Variants in RUFY4 observed in about 807,000 individuals in gnomAD.
RUFY4 encodes the protein RUN and FYVE domain-containing protein 4.
In RUFY4, 73 loss-of-function variants were observed where a neutral mutation model predicts 69.0. The ratio of observed to expected loss-of-function variants is 1.06; its 90% confidence interval spans 0.88 to 1.29. The LOEUF (loss-of-function observed/expected upper bound fraction) is 1.29, where lower values mean the gene tolerates loss of function less well. Among genes scored for constraint, RUFY4 ranks in the 50% most tolerant of loss-of-function variants. The probability of loss-of-function intolerance (pLI) is 0.00; values close to 1 mark genes in which losing one functional copy is unlikely to be tolerated. For synonymous variants in RUFY4, 287 were observed against 271.8 expected, an observed-to-expected ratio of 1.06 and a Z score of -0.55; for missense variants, 770 against 705.6, an observed-to-expected ratio of 1.09 and a Z score of -1.03.
At chr2:218,036,456 C>T (rs1035536866) in intron 2 of RUFY4, among the ~76,000 whole-genome samples, 1 of 152,096 alleles carries the variant, frequency 6.6e-6, no homozygotes, top group Non-Finnish European at 1.5e-5. Flanking sequence ...GGGGTGAGAA[C>T]GAGTGAGTCT....
chr2:218,051,376 G>T (rs1267519223), intron 2 of RUFY4, among the ~76,000 whole-genome samples: 1 of 151,906 alleles, frequency 6.6e-6, no homozygotes, highest in African/African-American at 2.4e-5. Context: ...GTTCAGAAAA[G>T]TACTTATTCC....
At chr2:218,060,602 C>T in intron 3 of RUFY4, 2 of 1,346,146 alleles carry the variant, frequency 1.5e-6, no homozygotes, top group Non-Finnish European at 2.1e-6. Context: ...ATGAGGGTGT[C>T]TGCCAGCAGG....
chr2:218,040,613 G>T (rs1959048038), intron 2 of RUFY4, among the ~76,000 whole-genome samples: 1 of 152,156 alleles, frequency 6.6e-6, no homozygotes, highest in Non-Finnish European at 1.5e-5. Context: ...GTGAAGAGGA[G>T]GCCACAGCCT....
chr2:218,044,144 A>G (rs1688770076), intron 2 of RUFY4, among the ~76,000 whole-genome samples: 1 of 152,106 alleles, frequency 6.6e-6, no homozygotes, highest in Non-Finnish European at 1.5e-5. Flanking sequence ...AGATGCCAGG[A>G]TCTACAGCTA....
At chr2:218,042,150 C>T (rs1401204595) in intron 2 of RUFY4, among the ~76,000 whole-genome samples, 1 of 152,218 alleles carries the variant, frequency 6.6e-6, no homozygotes, top group African/African-American at 2.4e-5. Flanking sequence ...GACTACAACA[C>T]ACTTGGGATA....
In RUFY4 at chr2:218,083,211, G is replaced by A. The variant is rs778556318; in HGVS notation, c.1457G>A (p.Arg486Gln). 18 of 1,613,084 alleles carry A rather than the reference G, an allele frequency of 1.1e-5. No homozygotes were observed. The highest frequency in any genetic ancestry group is 4.5e-5 in the East Asian group (2 of 44,860). ...TACCAGGAGGAGCTTGGAGGGCAGC[G>A]GGACTTGGTCCAGGCCATGAAGAGG... The change falls in exon 9 of 11, where the codon CGG becomes CAG. Residue 486 changes from arginine to glutamine, a missense_variant. By Grantham distance (43) the Arg-to-Gln change is conservative (BLOSUM62 1). Transcript: ENST00000344321.
Position 218,076,425 on chromosome 2 carries a change from A to G in RUFY4, c.1249-2A>G, listed in dbSNP as rs1689633226. On this transcript the variant is annotated splice_acceptor_variant, in intron 7 of 10. Transcript: ENST00000344321. LOFTEE classifies it high-confidence loss of function. ...TCCTTCTCCCCTCCTTCCACCCCACAGAGCCTCAGACTTGGGCTCCGGAAG... is the reference window on the plus strand; with the variant it reads ...TCCTTCTCCCCTCCTTCCACCCCACGGAGCCTCAGACTTGGGCTCCGGAAG... 1 of 1,549,346 alleles carries G rather than the reference A, an allele frequency of 6.5e-7. No homozygotes were observed. The highest frequency in any genetic ancestry group is 1.4e-5 in the African/African-American group (1 of 72,928).
intron 3 of RUFY4, among the ~76,000 whole-genome samples, chr2:218,064,031 A>T (rs1689263219): frequency 6.6e-6 from 1 of 152,138 alleles, no homozygotes; most frequent in African/African-American, 2.4e-5. Flanking sequence ...GTTGGTCACA[A>T]AACAATAGTA....
At chr2:218,048,025 A>G (rs1688868545) in intron 2 of RUFY4, among the ~76,000 whole-genome samples, 1 of 152,166 alleles carries the variant, frequency 6.6e-6, no homozygotes, top group South Asian at 2.1e-4. Context: ...TCAGGTCTTC[A>G]AGGGATTGCC....
In RUFY4 at chr2:218,072,259, G is replaced by A. The variant is rs111724607; in HGVS notation, c.154-115G>A. ...AAGGACAGGGCTGGGTCTGGATGCC[G>A]GGTGTGTCTGCAGGAGCCCTCTCCT... On this transcript the variant is annotated intron_variant, in intron 2 of 10. Transcript: ENST00000344321. 1.1e-3 allele frequency: 1,447 copies of A among 1,299,064 alleles called. 6 individuals are homozygous for A. In the African/African-American group the frequency reaches 0.013, roughly 11 times the overall value. 80.5% of individuals were successfully genotyped at this position (1,299,064 alleles called of 1,614,324 possible). A position where few individuals can be genotyped will look rare whatever the true frequency, so the allele number is the denominator to read the frequency against.
intron 2 of RUFY4, among the ~76,000 whole-genome samples, chr2:218,053,566 G>T (rs2106032847): frequency 6.6e-6 from 1 of 152,142 alleles, no homozygotes; most frequent in African/African-American, 2.4e-5. Context: ...CTGGAGTGCA[G>T]TGGCGAGATC....
At chr2:218,075,546 G>C (rs965912330) in exon 7 of RUFY4, 1 of 1,540,428 alleles carries the variant, frequency 6.5e-7, no homozygotes, top group Non-Finnish European at 8.7e-7. Flanking sequence ...CAGCCCCAGA[G>C]GGGCTGTAGA....
chr2:218,051,697 A>G (rs1688947738), intron 2 of RUFY4, among the ~76,000 whole-genome samples: 1 of 151,994 alleles, frequency 6.6e-6, no homozygotes, highest in Admixed American at 6.6e-5. Context: ...TTTGTGTGTG[A>G]TTAGGTTGCC....
chr2:218,070,714 C>A, intron 1 of RUFY4, 39 bp from the exon 4 acceptor site: 1 of 1,534,636 alleles, frequency 6.5e-7, no homozygotes, highest in Non-Finnish European at 8.7e-7. Context: ...TCTGGGAGCC[C>A]CTCCCTCAGC....
At chr2:218,054,158 G>A (rs1689007058) in intron 2 of RUFY4, among the ~76,000 whole-genome samples, 1 of 152,168 alleles carries the variant, frequency 6.6e-6, no homozygotes, top group Admixed American at 6.5e-5. Context: ...GCTATTCTAA[G>A]TTTTTATCAT....
At chr2:218,056,859 G>A (rs1689076121) in intron 2 of RUFY4, among the ~76,000 whole-genome samples, 1 of 152,302 alleles carries the variant, frequency 6.6e-6, no homozygotes, top group Non-Finnish European at 1.5e-5. Flanking sequence ...GCCGAGGCAG[G>A]TGGATCACTT....
chr2:218,076,470 G>A lies in RUFY4; in HGVS notation c.1292G>A (p.Arg431His), dbSNP rs142200924. Reference sequence around the variant, plus strand: ...CGGAAGGCTGAGGAGCAGGCCCAGCGCCAGGAGCAGCTGCTGAGGGAGCAG... The same window carrying A: ...CGGAAGGCTGAGGAGCAGGCCCAGCACCAGGAGCAGCTGCTGAGGGAGCAG... Residue 431 changes from arginine to histidine, a missense_variant, in exon 8 of 11, where the codon CGC (arginine) becomes CAC (histidine). Coordinates refer to ENST00000344321, the Ensembl canonical transcript of RUFY4. 1.4e-4 allele frequency: 216 copies of A among 1,550,348 alleles called. 1 individual carries two copies. In the African/African-American group the frequency reaches 1.6e-3, roughly 12 times the overall value.
rs1293086314 is a variant in RUFY4 at position 218,060,544 on chromosome 2, T to C, written c.-1071+1863T>C. On this transcript the variant is annotated intron_variant and NMD_transcript_variant, in intron 3 of 13. Coordinates refer to the RUFY4 transcript ENST00000457754. ...AATCTCAGTGGCATCCAGGGCCTGG[T>C]TGATGTCGTTGCGGCGCTCACAGGT... 4.6e-6 allele frequency: 6 copies of C among 1,295,566 alleles called. No individual in the cohort carries two copies. The South Asian group carries it at 7.1e-5, about 15-fold the overall frequency. The allele number at this position is 1,295,566 out of a possible 1,614,324, so 80.3% of individuals were successfully genotyped here. A position where few individuals can be genotyped will look rare whatever the true frequency, so the allele number is the denominator to read the frequency against.
At chr2:218,052,494 C>T (rs2106032147) in intron 2 of RUFY4, among the ~76,000 whole-genome samples, 1 of 152,254 alleles carries the variant, frequency 6.6e-6, no homozygotes, top group Non-Finnish European at 1.5e-5. Context: ...TGAGGTTTGC[C>T]TTCCAGGTTA....
Sources: allele counts gnomAD v4.1 joint callset (sites outside exome capture counted in the v4.1 genomes callset), GRCh38; gene constraint gnomAD v4.1.1; transcripts MANE v1.5; gene names NCBI Gene and HGNC (gene_info 2026-07-23, HGNC 2026-07-21).